The following ATF7IP2 variants were observed in gnomAD, a reference collection of about 807,000 sequenced individuals.
ATF7IP2 encodes activating transcription factor 7 interacting protein 2.
In ATF7IP2, 42 loss-of-function variants were observed where a neutral mutation model predicts 64.2. The observed-to-expected ratio is 0.65, with a 90% CI of 0.51 to 0.85. The LOEUF is 0.85. ATF7IP2 is among the 40% of genes least tolerant of loss of function. The pLI, the probability that ATF7IP2 is intolerant of heterozygous loss-of-function variation, is 0.00. For missense variants in ATF7IP2, 933 were observed against 784.2 expected, an observed-to-expected ratio of 1.19 and a Z score of -2.27; for synonymous variants, 308 against 272.8, an observed-to-expected ratio of 1.13 and a Z score of -1.27.
intron 4 of ATF7IP2, among the ~76,000 whole-genome samples, chr16:10,429,695 G>GTTTTGTTTTATTTTA (rs2048176974): frequency 7.2e-6 from 1 of 138,418 alleles, no homozygotes; most frequent in African/African-American, 2.7e-5. Context: ...CTTAGTGCTG[G>GTTTTGTTTTATTTTA]TTTTATTTTA....
intron 12 of ATF7IP2, among the ~76,000 whole-genome samples, chr16:10,480,201 G>C (rs1048833512): frequency 4.6e-5 from 7 of 151,840 alleles, no homozygotes. Context: ...TGCCCAGGCT[G>C]ATCTGGAACT....
In ATF7IP2 at chr16:10,431,422, A is replaced by C; in HGVS notation, c.802A>C (p.Thr268Pro). 3.7e-6 allele frequency: 6 copies of C among 1,607,026 alleles called. No individual in the cohort carries two copies. The highest frequency in any genetic ancestry group is 5.1e-6 in the Non-Finnish European group (6 of 1,174,742). ...TTCAAATTGTGAAAGTGCAGACTCA[A>C]CATGGCAGTCATCACTTGACACTAA... ...SISNCESADSTWQSSLDTNNN... is the reference protein window; with the variant it reads ...SISNCESADSPWQSSLDTNNN... Residue 268 changes from threonine (T) to proline (P), a missense_variant, in exon 5 of 14, where the codon ACA becomes CCA. By Grantham distance (38) the Thr-to-Pro change is conservative. Coordinates refer to ENST00000562102, the MANE Select transcript of ATF7IP2 (RefSeq NM_001393719.1).
chr16:10,431,320 A>G lies in ATF7IP2; in HGVS notation c.700A>G (p.Asn234Asp). The G allele has an allele frequency of 1.2e-6, 2 of 1,614,224 alleles. No individual in the cohort carries two copies. The highest frequency in any genetic ancestry group is 8.5e-7 in the Non-Finnish European group (1 of 1,180,026). Residue 234 changes from asparagine (N) to aspartate (D), a missense_variant, in exon 5 of 14, where the codon AAT (asparagine) becomes GAT (aspartate). Transcript: ENST00000562102. ...TTTTGTGCCTGTTGAGAAAACACCT[A>G]ATTTGGTGAATTCAGTCACTTCTAA... is the stretch of plus-strand genomic sequence containing the variant. Reference protein sequence around the residue: ...SGFVPVEKTPNLVNSVTSNNC... With the variant: ...SGFVPVEKTPDLVNSVTSNNC...
At chr16:10,481,050 C>T (rs1386090970) in intron 13 of ATF7IP2, 86 bp downstream of exon 13, 5 of 967,432 alleles carry the variant, frequency 5.2e-6, no homozygotes, top group Non-Finnish European at 6.6e-6. Context: ...ACATTTGGGT[C>T]ACATTTCAGC....
chr16:10,472,788 A>G (rs111309631), intron 10 of ATF7IP2, among the ~76,000 whole-genome samples: 18,094 of 151,246 alleles, frequency 0.12, 2,528 homozygotes, highest in African/African-American at 0.34. Flanking sequence ...CCTTGGAGGC[A>G]GAGACTGCAG....
chr16:10,468,330 C>T (rs907528275), intron 9 of ATF7IP2, among the ~76,000 whole-genome samples: 14 of 152,024 alleles, frequency 9.2e-5, no homozygotes, highest in Non-Finnish European at 1.3e-4. Flanking sequence ...AACTGTTGAG[C>T]ATAAACTGAA....
At chr16:10,461,736 G>A (rs2049381257) in intron 9 of ATF7IP2, among the ~76,000 whole-genome samples, 1 of 152,132 alleles carries the variant, frequency 6.6e-6, no homozygotes, top group Non-Finnish European at 1.5e-5. Flanking sequence ...GGAAGTTTAT[G>A]ATATAGGATA....
intron 1 of ATF7IP2, among the ~76,000 whole-genome samples, chr16:10,398,314 A>AAT (rs1555504373): frequency 7.3e-5 from 11 of 151,158 alleles, no homozygotes; most frequent in African/African-American, 1.2e-4. Flanking sequence ...AAAAAAAAAA[A>AAT]AATAATAATA....
At chr16:10,441,322 C>T (rs144343278) in intron 8 of ATF7IP2, among the ~76,000 whole-genome samples, 3 of 152,312 alleles carry the variant, frequency 2.0e-5, no homozygotes, top group African/African-American at 4.8e-5. Context: ...CTTGAGGAAT[C>T]GCCACACTGT....
intron 6 of ATF7IP2, among the ~76,000 whole-genome samples, chr16:10,434,496 T>C (rs1409788253): frequency 1.3e-5 from 2 of 152,186 alleles, no homozygotes; most frequent in South Asian, 2.1e-4. Flanking sequence ...AATTACATAG[T>C]TACATATACT....
At chr16:10,452,647 C>T (rs2049023211) in intron 8 of ATF7IP2, among the ~76,000 whole-genome samples, 1 of 152,232 alleles carries the variant, frequency 6.6e-6, no homozygotes, top group Admixed American at 6.5e-5. Flanking sequence ...GGGAGATCCA[C>T]TGATCTGCTG....
At chr16:10,420,860 A>G (rs2047976613) in intron 3 of ATF7IP2, among the ~76,000 whole-genome samples, 1 of 152,228 alleles carries the variant, frequency 6.6e-6, no homozygotes. Context: ...GGCATCTGAA[A>G]TACTTTACCT....
chr16:10,475,247 A>C (rs2049960386), intron 12 of ATF7IP2, among the ~76,000 whole-genome samples: 1 of 152,236 alleles, frequency 6.6e-6, no homozygotes, highest in Admixed American at 6.5e-5. Flanking sequence ...GTATGCTGTT[A>C]CAAGGCTCTT....
chr16:10,429,458 C>T (rs866652092), intron 4 of ATF7IP2, among the ~76,000 whole-genome samples: 2 of 152,180 alleles, frequency 1.3e-5, no homozygotes, highest in Non-Finnish European at 2.9e-5. Context: ...TCAAGTGATT[C>T]GCTTGCCTCG....
chr16:10,424,461 C>T (rs977107927), intron 3 of ATF7IP2, among the ~76,000 whole-genome samples: 1 of 152,144 alleles, frequency 6.6e-6, no homozygotes, highest in East Asian at 1.9e-4. Flanking sequence ...TTGCTAAAAA[C>T]ACACGTAAAT....
At position 10,479,814 on chromosome 16, in the gene ATF7IP2, C is replaced by T. The variant is rs12597172; in HGVS notation, c.1550-1065C>T. Among the ~76,000 whole-genome samples the T allele has an allele frequency of 2.4e-4, 36 of 151,722 alleles. 1 individual carries two copies. In the East Asian group the frequency reaches 6.6e-3, roughly 28 times the overall value. Reference sequence around the variant, plus strand: ...TACCATCTCATGCCTGTCAGAATGGCGATTATTAAAGTCAGAAAACAACAG... The same window carrying T: ...TACCATCTCATGCCTGTCAGAATGGTGATTATTAAAGTCAGAAAACAACAG... On this transcript the variant is annotated intron_variant, in intron 12 of 13. Transcript: ENST00000562102.
At chr16:10,478,405 A>G (rs1292724675) in intron 12 of ATF7IP2, among the ~76,000 whole-genome samples, 1 of 152,220 alleles carries the variant, frequency 6.6e-6, no homozygotes, top group Non-Finnish European at 1.5e-5. Flanking sequence ...CAATGGGGAA[A>G]GGATTCCCTA....
rs1057076697 is a variant in ATF7IP2, at chr16:10,400,130, G to C, written c.-242+14008G>C. 5.9e-5 allele frequency among the ~76,000 whole-genome samples: 9 copies of C among 152,074 alleles called. No individual in the cohort carries two copies. The East Asian group carries it at 1.2e-3, about 20-fold the overall frequency. ...ATCTCGGCCCACTGCAACTTCCATC[G>C]CCCGGGCTCAAGCCATTCTCCTGCC... On this transcript the variant is annotated intron_variant, in intron 1 of 13. Coordinates refer to ENST00000562102, the MANE Select transcript of ATF7IP2 (RefSeq NM_001393719.1).
At chr16:10,461,921 T>G (rs192717403) in intron 9 of ATF7IP2, among the ~76,000 whole-genome samples, 2 of 152,158 alleles carry the variant, frequency 1.3e-5, no homozygotes, top group Non-Finnish European at 2.9e-5. Context: ...CTGATGTGTG[T>G]GGATTTATAA....
Sources: gnomAD v4.1 joint callset for allele counts (sites outside exome capture counted in the v4.1 genomes callset) on GRCh38, gnomAD v4.1.1 for gene constraint, MANE v1.5 for transcripts, NCBI Gene and HGNC (gene_info 2026-07-23, HGNC 2026-07-21) for gene names.